Variants in MYO15B observed in about 807,000 individuals in gnomAD.
The protein encoded by MYO15B is myosin XVB, also known as myosin XVB pseudogene.
In MYO15B, 207 loss-of-function variants were observed where a neutral mutation model predicts 119.3. The ratio of observed to expected loss-of-function variants is 1.73; its 90% confidence interval spans 1.55 to 1.95. The LOEUF (loss-of-function observed/expected upper bound fraction) is 1.95, where lower values mean the gene tolerates loss of function less well. Ranked by LOEUF, MYO15B falls within the 30% of genes most tolerant of loss-of-function variation. MYO15B has a pLI of 0.00. For missense variants in MYO15B, 2,264 were observed against 1,203.1 expected, an observed-to-expected ratio of 1.88 and a Z score of -13.04; for synonymous variants, 966 against 498.9, an observed-to-expected ratio of 1.94 and a Z score of -12.48.
chr17:75,591,063 C>A (rs770874844), intron 3 of MYO15B, 47 bp downstream of exon 3: 2 of 676,646 alleles, frequency 3.0e-6, no homozygotes, highest in Non-Finnish European at 5.4e-6. Context: ...CCCAGGCAGC[C>A]CAGTCCCTGC....
intron 21 of MYO15B, among the ~76,000 whole-genome samples, chr17:75,609,485 ATTTTTTTTTTTT>A (rs749247022): frequency 5.1e-5 from 4 of 77,996 alleles, no homozygotes; most frequent in African/African-American, 1.1e-4. Flanking sequence ...AAGGGAAATG[ATTTTTTTTTTTT>A]TTTTTTTTTT....
At chr17:75,596,843 G>A (rs2056894783) in exon 14 of MYO15B, 1 of 703,014 alleles carries the variant, frequency 1.4e-6, no homozygotes, top group Non-Finnish European at 2.6e-6. Flanking sequence ...AGACCTCCTG[G>A]TAGATCAGCC....
In MYO15B at chr17:75,626,448, C is replaced by T. The variant is rs1203216599; in HGVS notation, c.9255C>T (p.Ser3085=). ...ACACCACTGTCTTCCTGATAGACAG[C>T]AGTGCCTCTTGCACTGAGTGGCCCA... Residue 3085 remains serine (S), a synonymous_variant, in exon 64 of 64, where the codon AGC becomes AGT. Coordinates refer to ENST00000645453, the Ensembl canonical transcript of MYO15B. 28 of 703,166 alleles carry T rather than the reference C, an allele frequency of 4.0e-5. No homozygotes were observed. The East Asian group carries it at 7.0e-4, about 18-fold the overall frequency. The allele number at this position is 703,166 out of a possible 1,614,324, so 43.6% of individuals were successfully genotyped here.
At chr17:75,592,768 G>C (rs1236904470) in exon 9 of MYO15B, 1 of 702,932 alleles carries the variant, frequency 1.4e-6, no homozygotes. Context: ...TGTGCCCAGA[G>C]GAGTTGAATG....
At position 75,589,919 on chromosome 17, in the gene MYO15B, G is replaced by A; in HGVS notation, c.1862G>A (p.Ser621Asn). 5.0e-6 allele frequency: 2 copies of A among 398,670 alleles called. No individual in the cohort carries two copies. The highest frequency in any genetic ancestry group is 7.1e-5 in the East Asian group (2 of 28,078). 24.7% of individuals were successfully genotyped at this position (398,670 alleles called of 1,614,324 possible). Residue 621 changes from serine (S) to asparagine (N), a missense_variant, in exon 1 of 64, where the codon AGC becomes AAC. Coordinates refer to ENST00000645453, the Ensembl canonical transcript of MYO15B. This position sits in a 1 kb window ranked among gnomAD's most constrained non-coding sequence, Gnocchi z 4.2. Reference sequence around the variant, plus strand: ...CCTTCCCTCGACGAGAGCGGCTCCAGCAGTGAGGCGGAGTTGGAGACCCTC... The same window carrying A: ...CCTTCCCTCGACGAGAGCGGCTCCAACAGTGAGGCGGAGTTGGAGACCCTC...
rs755785139 is a variant in MYO15B, at chr17:75,619,800, G to A, written c.7301+1G>A. The A allele has an allele frequency of 1.1e-4, 75 of 702,702 alleles. No individual in the cohort carries two copies. The highest frequency in any genetic ancestry group is 4.6e-4 in the Middle Eastern group (2 of 4,392). 43.5% of individuals were successfully genotyped at this position (702,702 alleles called of 1,614,324 possible). The stretch of plus-strand genomic sequence containing the variant: ...AGCTGAAGATTCTCTGCTCATACAG[G>A]TGCGCTAGCCCACGACCCTGGGCTA... On this transcript the variant is annotated splice_donor_variant, in intron 46 of 63. Coordinates refer to ENST00000645453, the Ensembl canonical transcript of MYO15B. LOFTEE classifies it high-confidence loss of function.
At chr17:75,618,354 C>T (rs1240968727) in intron 43 of MYO15B, among the ~76,000 whole-genome samples, 169 bp downstream of exon 43, 2 of 152,240 alleles carry the variant, frequency 1.3e-5, no homozygotes, top group African/African-American at 4.8e-5. Flanking sequence ...TCACAACATT[C>T]CTGAGAAGTA....
intron 21 of MYO15B, among the ~76,000 whole-genome samples, chr17:75,609,094 G>A (rs12950924): frequency 0.22 from 33,263 of 152,010 alleles, 4,083 homozygotes; most frequent in Non-Finnish European, 0.29. Flanking sequence ...TCAAGCTCCT[G>A]GTCTCTAGTG....
At chr17:75,614,801 C>T (rs1424374391) in exon 32 of MYO15B, 5 of 702,696 alleles carry the variant, frequency 7.1e-6, no homozygotes, top group African/African-American at 1.7e-5. Context: ...GGAGCCTGGA[C>T]GGCTTCCTGG....
chr17:75,591,518 G>T, intron 4 of MYO15B, 83 bp from the exon 5 acceptor site: 1 of 694,992 alleles, frequency 1.4e-6, no homozygotes, highest in South Asian at 1.5e-5. Context: ...GTCACTTCTG[G>T]GTGGCACATC....
At position 75,598,759 on chromosome 17, in the gene MYO15B, C is replaced by T. The variant is rs115260900; in HGVS notation, c.3525+1860C>T. On this transcript the variant is annotated intron_variant, in intron 14 of 63. Coordinates refer to ENST00000645453, the Ensembl canonical transcript of MYO15B. ...AATTAAGAGAGTGTTAATTTCTAAACGATTGTTTCTCCCAGTTCACATTTC... is the reference window on the plus strand; with the variant it reads ...AATTAAGAGAGTGTTAATTTCTAAATGATTGTTTCTCCCAGTTCACATTTC... Among the ~76,000 whole-genome samples, 957 of 152,072 alleles carry T rather than the reference C, an allele frequency of 6.3e-3. 13 individuals carry two copies. Among genetic ancestry groups the T allele is most frequent in the African/African-American group, 0.022 (910 of 41,460 alleles).
At chr17:75,619,145 C>T in exon 44 of MYO15B, 1 of 702,902 alleles carries the variant, frequency 1.4e-6, no homozygotes, top group South Asian at 1.5e-5. Flanking sequence ...GCCCCCAGAT[C>T]CTACGGGACA....
intron 52 of MYO15B, 36 bp downstream of exon 52, chr17:75,621,606 G>A: frequency 1.4e-6 from 1 of 695,064 alleles, no homozygotes; most frequent in South Asian, 1.5e-5. Context: ...CCCCATGTCT[G>A]CAGTGCCATG....
intron 14 of MYO15B, 78 bp downstream of exon 14, chr17:75,596,977 G>C: frequency 1.6e-6 from 1 of 625,998 alleles, no homozygotes; most frequent in Non-Finnish European, 2.9e-6. Context: ...GTAGCTGGCA[G>C]AGCCTCCCAG....
chr17:75,624,005 C>T lies in MYO15B; in HGVS notation c.8213C>T (p.Pro2738Leu), dbSNP rs571805284. 111 of 702,996 alleles carry T rather than the reference C, an allele frequency of 1.6e-4. 1 individual carries two copies. The highest frequency in any genetic ancestry group is 1.6e-3 in the South Asian group (105 of 67,604). The allele number at this position is 702,996 out of a possible 1,614,324, so 43.5% of individuals were successfully genotyped here. Residue 2738 changes from proline (P) to leucine (L), a missense_variant, in exon 55 of 64, where the codon CCG becomes CTG. Transcript: ENST00000645453. ...AGCCTTCTCACAGGCTTCTTCCCCC[C>T]GTCGACCAGGCTGATGCCCTACCTG...
Position 75,620,637 on chromosome 17 carries a change from G to T in MYO15B, c.7725+1G>T. 8.6e-6 allele frequency: 6 copies of T among 699,002 alleles called. No homozygotes were observed. The highest frequency in any genetic ancestry group is 1.6e-5 in the Non-Finnish European group (6 of 381,788). 43.3% of individuals were successfully genotyped at this position (699,002 alleles called of 1,614,324 possible). Reference sequence around the variant, plus strand: ...GGCTCGGTGGGACAGGGCCTCAGAGGTGAGGAAGATGGGAGAGGGACAAGC... The same window carrying T: ...GGCTCGGTGGGACAGGGCCTCAGAGTTGAGGAAGATGGGAGAGGGACAAGC... On this transcript the variant is annotated splice_donor_variant, in intron 49 of 63. Transcript: ENST00000645453. LOFTEE classifies it high-confidence loss of function.
chr17:75,619,639 C>T (rs1450809570), intron 45 of MYO15B, 42 bp from the exon 46 acceptor site: 1 of 700,276 alleles, frequency 1.4e-6, no homozygotes, highest in Admixed American at 2.0e-5. Flanking sequence ...TGGGCAGTAG[C>T]AGGACCCAGG....
chr17:75,622,597 A>G (rs923927828), intron 53 of MYO15B, among the ~76,000 whole-genome samples: 3 of 152,156 alleles, frequency 2.0e-5, no homozygotes, highest in African/African-American at 7.2e-5. Flanking sequence ...GATTCTGGAG[A>G]GAGACTCGGC....
chr17:75,588,251 G>T, exon 1 of MYO15B: 1 of 398,234 alleles, frequency 2.5e-6, no homozygotes, highest in Non-Finnish European at 4.4e-6. Context: ...ACCCCTGGTG[G>T]CCGCAGGAAG....
Sources: gnomAD v4.1 joint callset for allele counts (sites outside exome capture counted in the v4.1 genomes callset) on GRCh38, gnomAD v4.1.1 for gene constraint, Gnocchi (gnomAD v3.1) non-coding constraint, MANE v1.5 for transcripts, NCBI Gene and HGNC (gene_info 2026-07-23, HGNC 2026-07-21) for gene names.